RUVBL1: variants seen among roughly 807,000 people sequenced by gnomAD.
The protein encoded by RUVBL1 is RuvB like AAA ATPase 1, also known as ruvB-like 1.
RUVBL1 carries 4 observed loss-of-function variants against 52.4 expected under a neutral mutation model. The observed-to-expected ratio is 0.08, with a 90% CI of 0.04 to 0.17. RUVBL1 has a LOEUF of 0.17. Ranked by LOEUF, RUVBL1 falls within the 10% of genes least tolerant of loss-of-function variation. RUVBL1 has a pLI of 1.00. For missense variants in RUVBL1, 298 were observed against 572.8 expected (o/e 0.52, Z 4.90); for synonymous variants, 217 against 214.4 (o/e 1.01, Z -0.10).
chr3:128,083,127 C>T (rs928142726), intron 9 of RUVBL1: 1 of 153,474 alleles, frequency 6.5e-6, no homozygotes, highest in Admixed American at 6.5e-5. Flanking sequence ...GAGGCTGACG[C>T]TTGTTGCAGT....
intron 1 of RUVBL1, among the ~76,000 whole-genome samples, chr3:128,119,825 C>A (rs1379552773): frequency 6.6e-6 from 1 of 152,142 alleles, no homozygotes; most frequent in Non-Finnish European, 1.5e-5. Context: ...CAGAAACAAG[C>A]TTGGCATATC....
At chr3:128,109,022 A>G (rs1003096517) in intron 3 of RUVBL1, among the ~76,000 whole-genome samples, 2 of 152,216 alleles carry the variant, frequency 1.3e-5, no homozygotes, top group African/African-American at 2.4e-5. Context: ...CATGGTTTAA[A>G]GATACACACA....
intron 9 of RUVBL1, chr3:128,069,841 C>A: frequency 1.6e-6 from 1 of 606,868 alleles, no homozygotes; most frequent in Non-Finnish European, 2.8e-6. Flanking sequence ...GCTTTTTATC[C>A]TGGCACTGGC....
chr3:128,102,262 T>A (rs1323817007), intron 4 of RUVBL1, among the ~76,000 whole-genome samples: 1 of 152,228 alleles, frequency 6.6e-6, no homozygotes, highest in Non-Finnish European at 1.5e-5. Flanking sequence ...ATACAGTAAT[T>A]CAAAGAAAAA....
intron 9 of RUVBL1, chr3:128,069,675 G>T (rs775748772): frequency 2.0e-5 from 32 of 1,613,194 alleles, no homozygotes; most frequent in Non-Finnish European, 2.7e-5. Flanking sequence ...CCGTCTCCCG[G>T]ACAGGTTGAG....
chr3:128,110,142 TG>T (rs1272685785), intron 3 of RUVBL1, among the ~76,000 whole-genome samples: 1 of 152,100 alleles, frequency 6.6e-6, no homozygotes, highest in African/African-American at 2.4e-5. Context: ...AAAAATTAGC[TG>T]GGTGTGGTGA....
chr3:128,150,961 C>CTATATATTCTATATATTATATATTA (rs1944194280), intron 1 of RUVBL1, among the ~76,000 whole-genome samples: 1 of 77,200 alleles, frequency 1.3e-5, no homozygotes, highest in African/African-American at 5.4e-5. Flanking sequence ...ATTATATATT[C>CTATATATTCTATATATTATATATTA]TATATATTAT....
intron 8 of RUVBL1, among the ~76,000 whole-genome samples, chr3:128,092,238 G>A (rs567627763): frequency 2.2e-4 from 33 of 152,202 alleles, no homozygotes; most frequent in East Asian, 3.9e-4. Flanking sequence ...TATAAAAGCC[G>A]AAACTATAAA....
At chr3:128,094,569 G>A (rs891007176) in intron 8 of RUVBL1, among the ~76,000 whole-genome samples, 7 of 152,220 alleles carry the variant, frequency 4.6e-5, no homozygotes, top group African/African-American at 1.4e-4. Flanking sequence ...CTGGGCTCAG[G>A]TTCCAGTGGC....
At chr3:128,097,768 A>G (rs1286333521) in intron 7 of RUVBL1, among the ~76,000 whole-genome samples, 2 of 152,194 alleles carry the variant, frequency 1.3e-5, no homozygotes, top group African/African-American at 2.4e-5. Flanking sequence ...GGTGTTCTGC[A>G]TGGGAATCCC....
At chr3:128,106,733 T>C (rs1943251126) in intron 3 of RUVBL1, among the ~76,000 whole-genome samples, 1 of 152,188 alleles carries the variant, frequency 6.6e-6, no homozygotes, top group Non-Finnish European at 1.5e-5. Context: ...TACATTTACA[T>C]GTTCTATATG....
At chr3:128,075,136 G>C (rs1431581061) in intron 9 of RUVBL1, 2 of 152,194 alleles carry the variant, frequency 1.3e-5, no homozygotes, top group African/African-American at 4.8e-5. Context: ...GAAAGAGCAA[G>C]GTCCTATTCC....
rs773499172 is a variant in RUVBL1 at position 128,065,135 on chromosome 3, CAT to C, written c.*75_*76del. ...CCCACTCTGTGGGGTGCACTGTCAT[CAT>C]ATTGTGTTGAAACGATGAGATGGTA... On this transcript the variant is annotated 3_prime_UTR_variant, in exon 10 of 10. Coordinates refer to the RUVBL1 transcript ENST00000464873. 8 of 1,280,732 alleles carry C rather than the reference CAT, an allele frequency of 6.2e-6. No homozygotes were observed. The East Asian group carries it at 1.8e-4, about 30-fold the overall frequency. 79.3% of individuals were successfully genotyped at this position (1,280,732 alleles called of 1,614,324 possible). A position where few individuals can be genotyped will look rare whatever the true frequency, so the allele number is the denominator to read the frequency against.
At chr3:128,143,883 C>T (rs1348997241) in intron 1 of RUVBL1, among the ~76,000 whole-genome samples, 3 of 152,130 alleles carry the variant, frequency 2.0e-5, no homozygotes, top group Non-Finnish European at 4.4e-5. Flanking sequence ...GGAGCTCTTA[C>T]AAAAGAAGAG....
chr3:128,152,128 G>A (rs1178425707), intron 1 of RUVBL1, among the ~76,000 whole-genome samples: 2 of 152,196 alleles, frequency 1.3e-5, no homozygotes, highest in Non-Finnish European at 2.9e-5. Context: ...CCTGGCCAGA[G>A]CAGACACTTA....
chr3:128,129,679 T>C (rs1017207176), intron 1 of RUVBL1, among the ~76,000 whole-genome samples: 1 of 152,144 alleles, frequency 6.6e-6, no homozygotes, highest in East Asian at 1.9e-4. Flanking sequence ...TATAATAGAA[T>C]ATTATTAAGC....
chr3:128,124,235 C>T (rs1943732155), upstream of RUVBL1, among the ~76,000 whole-genome samples: 1 of 151,972 alleles, frequency 6.6e-6, no homozygotes, highest in Admixed American at 6.6e-5. Context: ...TTTGCATCTC[C>T]CTGGAAAGGC....
At position 128,123,655 on chromosome 3, in the gene RUVBL1, G is replaced by A; in HGVS notation, c.70C>T (p.Leu24=). 1 of 1,612,396 alleles carries A rather than the reference G, an allele frequency of 6.2e-7. No individual in the cohort carries two copies. The highest frequency in any genetic ancestry group is 8.5e-7 in the Non-Finnish European group (1 of 1,179,518). ...RIASHSHVKG[L]GLDESGLAKQ... ...GCCAAGCCGCTCTCGTCCAGCCCCA[G>A]CCCTTTCACGTGGCTGTGGGAGGCG... Residue 24 remains leucine, a synonymous_variant, in exon 1 of 11, where the codon CTG becomes TTG. Transcript: ENST00000322623.
intron 1 of RUVBL1, among the ~76,000 whole-genome samples, chr3:128,140,490 C>T (rs1944006998): frequency 6.6e-6 from 1 of 151,808 alleles, no homozygotes; most frequent in African/African-American, 2.4e-5. Context: ...ACTTCTGGGG[C>T]CAAAAGGGAT....
Sources: gnomAD v4.1 joint callset for allele counts (sites outside exome capture counted in the v4.1 genomes callset) on GRCh38, gnomAD v4.1.1 for gene constraint, MANE v1.5 for transcripts, NCBI Gene and HGNC (gene_info 2026-07-23, HGNC 2026-07-21) for gene names.